Variants in XYLT1 observed in about 807,000 individuals in gnomAD.
The protein encoded by XYLT1 is xylosyltransferase 1.
In XYLT1, 36 loss-of-function variants were observed where a neutral mutation model predicts 91.3. The ratio of observed to expected loss-of-function variants is 0.39; its 90% CI spans 0.30 to 0.52. The LOEUF is 0.52. XYLT1 is among the 20% of genes least tolerant of loss of function. The probability of loss-of-function intolerance (pLI) is 0.68; values close to 1 mark genes in which losing one functional copy is unlikely to be tolerated. For missense variants in XYLT1, 1,242 were observed against 1,284.5 expected (o/e 0.97, Z 0.51); for synonymous variants, 588 against 532.0 (o/e 1.11, Z -1.45).
chr16:17,293,310 A>G (rs2034258214), intron 2 of XYLT1, among the ~76,000 whole-genome samples: 1 of 152,068 alleles, frequency 6.6e-6, no homozygotes, highest in African/African-American at 2.4e-5. Context: ...ACTAGTATTT[A>G]ATTTTCATTC....
In XYLT1 at chr16:17,428,325, T is replaced by C. The variant is rs1596540686; in HGVS notation, c.363+42109A>G. On this transcript the variant is annotated intron_variant, in intron 1 of 11. Transcript: ENST00000261381. Reference sequence around the variant, plus strand: ...CAGGACAGTGAGGACAGAGGACAGCTTGAGGGTGCAGCACAAGCTCTGGCG... The same window carrying C: ...CAGGACAGTGAGGACAGAGGACAGCCTGAGGGTGCAGCACAAGCTCTGGCG... Among the ~76,000 whole-genome samples, 4 of 152,290 alleles carry C rather than the reference T, an allele frequency of 2.6e-5. No individual in the cohort carries two copies. The South Asian group carries it at 8.3e-4, about 32-fold the overall frequency.
At chr16:17,204,141 C>T (rs1246535693) in intron 3 of XYLT1, among the ~76,000 whole-genome samples, 2 of 152,190 alleles carry the variant, frequency 1.3e-5, no homozygotes, top group Non-Finnish European at 2.9e-5. Context: ...TCCACTTGCT[C>T]TCTGCAGAAG....
At chr16:17,343,365 G>C (rs540756539) in intron 2 of XYLT1, among the ~76,000 whole-genome samples, 1 of 152,330 alleles carries the variant, frequency 6.6e-6, no homozygotes, top group East Asian at 1.9e-4. Flanking sequence ...TGCATCAACA[G>C]CGACTCAGGC....
In XYLT1 at chr16:17,126,511, C is replaced by T. The variant is rs144547401; in HGVS notation, c.2223+1155G>A. Among the ~76,000 whole-genome samples the T allele has an allele frequency of 2.2e-3, 342 of 152,250 alleles. 2 individuals carry two copies. In the Middle Eastern group the frequency reaches 0.027, roughly 12 times the overall value. ...CTTAACAAGAAACTCTCACTGGTGC[C>T]TGTTTGTCATGGGGATACATACATT... On this transcript the variant is annotated intron_variant, in intron 10 of 11. Transcript: ENST00000261381.
chr16:17,149,663 G>C (rs1022678040), intron 6 of XYLT1, among the ~76,000 whole-genome samples: 2 of 152,206 alleles, frequency 1.3e-5, no homozygotes, highest in Admixed American at 6.5e-5. Flanking sequence ...AGCTGCCTGA[G>C]ATTTTTCTCT....
intron 9 of XYLT1, among the ~76,000 whole-genome samples, chr16:17,132,171 G>A (rs1460210857): frequency 1.3e-5 from 2 of 152,198 alleles, no homozygotes; most frequent in Non-Finnish European, 2.9e-5. Context: ...GCACTGCACT[G>A]TCTACTGGGG....
At chr16:17,166,498 G>T (rs1037373212) in intron 5 of XYLT1, among the ~76,000 whole-genome samples, 1 of 151,794 alleles carries the variant, frequency 6.6e-6, no homozygotes, top group African/African-American at 2.4e-5. Flanking sequence ...CATGGGAAGG[G>T]CTCAGTCCAT....
rs368893857 is a variant in XYLT1, at chr16:17,143,828, A to G, written c.1371-2459T>C. Reference sequence around the variant, plus strand: ...AATTTCCATTATCACCACTGTCATCACCACCATCGTCATCATCACCATCAT... The same window carrying G: ...AATTTCCATTATCACCACTGTCATCGCCACCATCGTCATCATCACCATCAT... On this transcript the variant is annotated intron_variant, in intron 6 of 11. Coordinates refer to ENST00000261381, the MANE Select transcript of XYLT1 (RefSeq NM_022166.4). 1.5e-4 allele frequency among the ~76,000 whole-genome samples: 12 copies of G among 81,176 alleles called. No homozygotes were observed. In the South Asian group the frequency reaches 1.6e-3, roughly 11 times the overall value. 53.3% of individuals were successfully genotyped at this position (81,176 alleles called of 152,430 possible).
At chr16:17,286,239 C>T (rs1326005996) in intron 2 of XYLT1, among the ~76,000 whole-genome samples, 1 of 152,146 alleles carries the variant, frequency 6.6e-6, no homozygotes, top group African/African-American at 2.4e-5. Context: ...GACCCTTCTC[C>T]ACCACACTTA....
At chr16:17,134,260 T>C (rs901526183) in intron 9 of XYLT1, among the ~76,000 whole-genome samples, 1 of 152,186 alleles carries the variant, frequency 6.6e-6, no homozygotes, top group African/African-American at 2.4e-5. Flanking sequence ...ACATAGGATA[T>C]CTGGTATCTG....
chr16:17,358,356 C>T (rs1309438910), intron 1 of XYLT1, among the ~76,000 whole-genome samples: 1 of 152,036 alleles, frequency 6.6e-6, no homozygotes, highest in Non-Finnish European at 1.5e-5. Context: ...AGGCTGTTCT[C>T]CAACACTTTG....
intron 9 of XYLT1, among the ~76,000 whole-genome samples, chr16:17,128,099 A>C (rs2030327354): frequency 6.6e-6 from 1 of 152,200 alleles, no homozygotes; most frequent in African/African-American, 2.4e-5. Context: ...TGAAATGACT[A>C]CTTTCCATGC....
intron 1 of XYLT1, among the ~76,000 whole-genome samples, chr16:17,457,045 C>T (rs1051150503): frequency 4.6e-5 from 7 of 152,042 alleles, no homozygotes; most frequent in Admixed American, 3.3e-4. Context: ...CTGGTGGGCC[C>T]GTGTACACGA....
chr16:17,398,366 G>A (rs767086088), intron 1 of XYLT1, among the ~76,000 whole-genome samples: 2 of 152,280 alleles, frequency 1.3e-5, no homozygotes, highest in East Asian at 1.9e-4. Flanking sequence ...ACGTAAGACC[G>A]ACTGTGTTTC....
intron 3 of XYLT1, among the ~76,000 whole-genome samples, chr16:17,254,629 G>T (rs915798670): frequency 6.6e-6 from 1 of 151,932 alleles, no homozygotes; most frequent in Non-Finnish European, 1.5e-5. Context: ...TGATGACCTC[G>T]GGTGATCCAC....
At chr16:17,255,939 T>C (rs2033623656) in intron 3 of XYLT1, among the ~76,000 whole-genome samples, 1 of 152,036 alleles carries the variant, frequency 6.6e-6, no homozygotes, top group African/African-American at 2.4e-5. Flanking sequence ...ACCTAAGAGT[T>C]GAAGGTTGCA....
intron 3 of XYLT1, among the ~76,000 whole-genome samples, chr16:17,207,768 A>T (rs1376002059): frequency 6.6e-6 from 1 of 152,092 alleles, no homozygotes; most frequent in Non-Finnish European, 1.5e-5. Context: ...CGGGGCCACC[A>T]GGTCCCCTCC....
At chr16:17,385,200 T>A (rs2035731727) in intron 1 of XYLT1, among the ~76,000 whole-genome samples, 2 of 151,430 alleles carry the variant, frequency 1.3e-5, no homozygotes, top group Non-Finnish European at 2.9e-5. Flanking sequence ...TTCGTAGATG[T>A]GACAACTGAA....
chr16:17,314,774 C>T (rs1190391964), intron 2 of XYLT1, among the ~76,000 whole-genome samples: 1 of 152,194 alleles, frequency 6.6e-6, no homozygotes, highest in African/African-American at 2.4e-5. Flanking sequence ...AGGCTCTGAG[C>T]TCCCTGGTGG....
Sources: gnomAD v4.1 joint callset for allele counts (sites outside exome capture counted in the v4.1 genomes callset) on GRCh38, gnomAD v4.1.1 for gene constraint, MANE v1.5 for transcripts, NCBI Gene and HGNC (gene_info 2026-07-23, HGNC 2026-07-21) for gene names.